NBEA: variants seen among roughly 807,000 people sequenced by gnomAD.
The protein encoded by NBEA is lysosomal-trafficking regulator 2.
A neutral mutation model predicts 343.4 loss-of-function variants in NBEA; 44 were observed. The observed-to-expected ratio is 0.13, with a 90% CI of 0.10 to 0.16. NBEA has a LOEUF of 0.16. NBEA is among the 10% of genes least tolerant of loss of function. The pLI, the probability that NBEA is intolerant of heterozygous loss-of-function variation, is 1.00. For missense variants in NBEA, 2,555 were observed against 3,631.3 expected (o/e 0.70, Z 7.62); for synonymous variants, 1,175 against 1,238.7 (o/e 0.95, Z 1.08).
At chr13:35,358,328 CA>C (rs1051626945) in intron 38 of NBEA, among the ~76,000 whole-genome samples, 7 of 151,794 alleles carry the variant, frequency 4.6e-5, no homozygotes, top group African/African-American at 1.5e-4. Context: ...CTGGCCTCAA[CA>C]AATAATTCTT....
chr13:35,072,300 TG>T (rs1300499633), intron 10 of NBEA, among the ~76,000 whole-genome samples: 1 of 152,092 alleles, frequency 6.6e-6, no homozygotes, highest in African/African-American at 2.4e-5. Flanking sequence ...TAAAACCATA[TG>T]TAATAGGTTA....
rs374880121 is a variant in NBEA at position 35,040,747 on chromosome 13, C to T, written c.295-186C>T. On this transcript the variant is annotated intron_variant, in intron 1 of 58. Transcript: ENST00000379939. ...TATGTGAAAATTAGATTTCTGTTTG[C>T]TAGTTTCGATGCTCACAATGCCTTT... 2.0e-5 allele frequency among the ~76,000 whole-genome samples: 3 copies of T among 151,988 alleles called. No homozygotes were observed. In the East Asian group the frequency reaches 5.8e-4, roughly 29 times the overall value.
chr13:35,586,639 T>C (rs1320444900), intron 46 of NBEA, among the ~76,000 whole-genome samples: 1 of 152,246 alleles, frequency 6.6e-6, no homozygotes, highest in Non-Finnish European at 1.5e-5. Context: ...TGAGAAATAC[T>C]TTTTAAATCC....
intron 1 of NBEA, among the ~76,000 whole-genome samples, chr13:34,963,294 A>G (rs754034899): frequency 6.6e-6 from 1 of 152,000 alleles, no homozygotes; most frequent in East Asian, 1.9e-4. Flanking sequence ...CTTTGTCTTC[A>G]TATGTGCTTT....
intron 1 of NBEA, among the ~76,000 whole-genome samples, chr13:34,956,777 G>A (rs779218007): frequency 3.9e-5 from 6 of 152,080 alleles, no homozygotes; most frequent in Non-Finnish European, 8.8e-5. Context: ...GTGATTTCAC[G>A]TTGTTGTTCA....
intron 38 of NBEA, among the ~76,000 whole-genome samples, chr13:35,422,583 A>G (rs1156939657): frequency 6.6e-6 from 1 of 152,076 alleles, no homozygotes; most frequent in African/African-American, 2.4e-5. Context: ...AGTCTTTGCT[A>G]TTGTGAATAG....
At chr13:35,252,507 T>C (rs1265105172) in intron 34 of NBEA, among the ~76,000 whole-genome samples, 1 of 152,186 alleles carries the variant, frequency 6.6e-6, no homozygotes, top group South Asian at 2.1e-4. Context: ...GCCTAGGCAC[T>C]GGCAATTGTC....
chr13:35,415,801 T>C (rs1029344286), intron 38 of NBEA, among the ~76,000 whole-genome samples: 73 of 152,274 alleles, frequency 4.8e-4, no homozygotes, highest in African/African-American at 1.7e-3. Flanking sequence ...GGGGATGGCA[T>C]TGAATCTATA....
At chr13:35,439,706 T>C (rs1012931892) in intron 39 of NBEA, among the ~76,000 whole-genome samples, 1 of 152,206 alleles carries the variant, frequency 6.6e-6, no homozygotes, top group Admixed American at 6.5e-5. Flanking sequence ...GTTGTGCACA[T>C]GTATCCTAGA....
intron 1 of NBEA, among the ~76,000 whole-genome samples, chr13:35,013,325 T>A (rs1488240383): frequency 1.3e-5 from 2 of 152,170 alleles, no homozygotes; most frequent in African/African-American, 2.4e-5. Context: ...TGTAAAATAT[T>A]CATTTTACAA....
At chr13:35,158,623 T>C (rs2069347073) in intron 21 of NBEA, among the ~76,000 whole-genome samples, 1 of 152,142 alleles carries the variant, frequency 6.6e-6, no homozygotes, top group African/African-American at 2.4e-5. Context: ...CAATAGATGG[T>C]GAAAACCAAC....
chr13:35,571,265 G>C (rs9315358), intron 45 of NBEA, among the ~76,000 whole-genome samples: 134,139 of 152,208 alleles, frequency 0.88, 61,614 homozygotes, highest in East Asian at 1. Flanking sequence ...CATTACACAG[G>C]CTTCATGAAA....
chr13:35,636,736 G>A (rs774179351), intron 49 of NBEA, among the ~76,000 whole-genome samples: 12 of 152,242 alleles, frequency 7.9e-5, no homozygotes, highest in Non-Finnish European at 1.8e-4. Flanking sequence ...CTCACCTGTG[G>A]TAAAGGATTT....
chr13:35,583,887 T>A lies in NBEA; in HGVS notation c.7036-11T>A. The A allele has an allele frequency of 6.2e-7, 1 of 1,600,106 alleles. No individual in the cohort carries two copies. The highest frequency in any genetic ancestry group is 8.5e-7 in the Non-Finnish European group (1 of 1,174,338). ...ACTGTATTAAACAAAATATTTTTTT[T>A]CTTTTAATAGCCAATTGGTGCTTTG... On this transcript the variant is annotated splice_polypyrimidine_tract_variant and intron_variant, in intron 45 of 58. Transcript: ENST00000379939.
intron 45 of NBEA, among the ~76,000 whole-genome samples, chr13:35,572,085 A>C (rs2080461467): frequency 6.6e-6 from 1 of 152,210 alleles, no homozygotes; most frequent in African/African-American, 2.4e-5. Context: ...CAGATGAAAC[A>C]ATCTGCCTTT....
chr13:35,206,557 C>G (rs972139052), intron 31 of NBEA, among the ~76,000 whole-genome samples: 1 of 152,014 alleles, frequency 6.6e-6, no homozygotes, highest in African/African-American at 2.4e-5. Context: ...TAACAAACTC[C>G]AAATATTGGC....
intron 1 of NBEA, among the ~76,000 whole-genome samples, chr13:35,018,298 A>G (rs2061721148): frequency 6.6e-6 from 1 of 152,158 alleles, no homozygotes; most frequent in Non-Finnish European, 1.5e-5. Context: ...AACCAGGCAC[A>G]ATTTTGATTA....
intron 40 of NBEA, among the ~76,000 whole-genome samples, chr13:35,453,832 T>G (rs965110556): frequency 6.6e-6 from 1 of 152,184 alleles, no homozygotes; most frequent in Non-Finnish European, 1.5e-5. Context: ...TAATGGTAGC[T>G]AATTATTAAT....
In NBEA at chr13:35,482,016, A is replaced by G. The variant is rs938479782; in HGVS notation, c.6585+9480A>G. Among the ~76,000 whole-genome samples, 15 of 151,970 alleles carry G rather than the reference A, an allele frequency of 9.9e-5. No homozygotes were observed. The East Asian group carries it at 2.9e-3, about 29-fold the overall frequency. On this transcript the variant is annotated intron_variant, in intron 41 of 58. Coordinates refer to ENST00000379939, the MANE Select transcript of NBEA (RefSeq NM_001385012.1). ...ACTGTATGTGATTAAGCCACTGGAA[A>G]TATTCAACATGACCTTGAGACTAGA... is the stretch of plus-strand genomic sequence containing the variant.
Sources: gnomAD v4.1 joint callset for allele counts (sites outside exome capture counted in the v4.1 genomes callset) on GRCh38, gnomAD v4.1.1 for gene constraint, MANE v1.5 for transcripts, NCBI Gene and HGNC (gene_info 2026-07-23, HGNC 2026-07-21) for gene names.